The following CDH8 variants were observed in gnomAD, a reference collection of about 807,000 sequenced individuals.
CDH8 encodes cadherin-8.
In CDH8, 17 loss-of-function variants were observed where a neutral mutation model predicts 68.1. That is an observed-to-expected ratio of 0.25 (90% CI 0.17 to 0.37). CDH8 has a LOEUF of 0.37. Among genes scored for constraint, CDH8 ranks in the 10% least tolerant of loss-of-function variants. CDH8 has a pLI of 1.00. For synonymous variants in CDH8, 372 were observed against 365.1 expected (o/e 1.02, Z -0.21); for missense variants, 763 against 999.3 (o/e 0.76, Z 3.19).
At chr16:61,813,867 ACT>A (rs1962012861) in intron 7 of CDH8, among the ~76,000 whole-genome samples, 1 of 152,164 alleles carries the variant, frequency 6.6e-6, no homozygotes, top group African/African-American at 2.4e-5. Context: ...TATACCAAGC[ACT>A]CACTAGTAAC....
At chr16:61,923,561 G>A (rs773666011) in intron 2 of CDH8, among the ~76,000 whole-genome samples, 29 of 151,668 alleles carry the variant, frequency 1.9e-4, no homozygotes, top group Non-Finnish European at 3.2e-4. Flanking sequence ...TAGATATGAG[G>A]AAATAAACTC....
intron 2 of CDH8, among the ~76,000 whole-genome samples, chr16:61,916,395 G>A (rs181674538): frequency 5.3e-5 from 8 of 152,098 alleles, no homozygotes; most frequent in Non-Finnish European, 7.4e-5. Flanking sequence ...CATGCCTGAC[G>A]TCCCAGCTAC....
At chr16:61,921,545 TTAAA>T (rs1246840040) in intron 2 of CDH8, among the ~76,000 whole-genome samples, 2 of 152,222 alleles carry the variant, frequency 1.3e-5, no homozygotes, top group African/African-American at 4.8e-5. Flanking sequence ...TTCTAAATAC[TTAAA>T]TATTTTTCTG....
rs577843391 is a variant in CDH8, at chr16:61,768,535, G to A, written c.1414+20811C>T. Among the ~76,000 whole-genome samples, 5 of 151,380 alleles carry A rather than the reference G, an allele frequency of 3.3e-5. No individual in the cohort carries two copies. In the East Asian group the frequency reaches 7.9e-4, roughly 24 times the overall value. ...TAATACAAAGGAGTTATCAATGGGC[G>A]AGTCTTGATCTGCCCTGGGAACAAT... On this transcript the variant is annotated intron_variant, in intron 8 of 11. Transcript: ENST00000577390.
intron 4 of CDH8, 71 bp from the exon 5 acceptor site, chr16:61,825,250 C>A: frequency 8.5e-7 from 1 of 1,174,880 alleles, no homozygotes; most frequent in South Asian, 1.4e-5. Flanking sequence ...TAATCTCACA[C>A]ATGCACACAT....
chr16:61,896,477 G>A (rs1205577624), intron 3 of CDH8, among the ~76,000 whole-genome samples: 1 of 152,194 alleles, frequency 6.6e-6, no homozygotes, highest in Non-Finnish European at 1.5e-5. Context: ...GCACGTGCTG[G>A]CATTTCTGCC....
chr16:61,797,338 T>G (rs1961523018), intron 7 of CDH8, among the ~76,000 whole-genome samples: 1 of 152,052 alleles, frequency 6.6e-6, no homozygotes, highest in Non-Finnish European at 1.5e-5. Context: ...TCCCTGTGAC[T>G]CCAGTACAAC....
intron 2 of CDH8, among the ~76,000 whole-genome samples, chr16:62,019,938 C>T (rs375529392): frequency 6.6e-6 from 1 of 152,132 alleles, no homozygotes; most frequent in East Asian, 1.9e-4. Flanking sequence ...CTGTTTTGTT[C>T]ATTGATACGC....
In CDH8 at chr16:61,880,223, C is replaced by T. The variant is rs1391832441; in HGVS notation, c.547+20956G>A. Among the ~76,000 whole-genome samples the T allele has an allele frequency of 9.2e-5, 14 of 152,236 alleles. No homozygotes were observed. In the East Asian group the frequency reaches 2.7e-3, roughly 29 times the overall value. On this transcript the variant is annotated intron_variant, in intron 3 of 11. Coordinates refer to ENST00000577390, the MANE Select transcript of CDH8 (RefSeq NM_001796.5). ...ATAGGTGTAAGCCACCGTGCCCGGC[C>T]ATATAATATGAAGTTTTAACCGACC...
At chr16:61,901,035 T>C (rs72798783) in intron 3 of CDH8, 144 bp downstream of exon 3, 55,154 of 719,792 alleles carry the variant, frequency 0.077, 2,480 homozygotes, top group South Asian at 0.11. Flanking sequence ...CTGTGGAACT[T>C]AGGCCAAAAA....
At chr16:61,684,606 AC>A (rs1964073563) in intron 10 of CDH8, among the ~76,000 whole-genome samples, 2 of 152,172 alleles carry the variant, frequency 1.3e-5, no homozygotes. Flanking sequence ...TAGACACATA[AC>A]ACATTACTAG....
chr16:61,877,281 T>C (rs1222988781), intron 3 of CDH8, among the ~76,000 whole-genome samples: 3 of 149,172 alleles, frequency 2.0e-5, no homozygotes, highest in African/African-American at 7.6e-5. Flanking sequence ...CATAAGAAAA[T>C]AAATGGGGTA....
chr16:61,768,488 C>A (rs996391340), intron 8 of CDH8, among the ~76,000 whole-genome samples: 4 of 144,136 alleles, frequency 2.8e-5, no homozygotes, highest in African/African-American at 7.7e-5. Context: ...TCTGTGTGAC[C>A]CTATTAATTG....
chr16:61,830,136 T>G (rs1321448985), intron 4 of CDH8, among the ~76,000 whole-genome samples: 1 of 151,842 alleles, frequency 6.6e-6, no homozygotes, highest in Non-Finnish European at 1.5e-5. Context: ...ACTAGTAGTT[T>G]CAGGCTGTTT....
intron 2 of CDH8, among the ~76,000 whole-genome samples, chr16:61,934,808 C>T (rs1380458684): frequency 6.6e-6 from 1 of 152,076 alleles, no homozygotes; most frequent in Non-Finnish European, 1.5e-5. Flanking sequence ...GCACTAAAAT[C>T]GCCAGAGAAT....
At chr16:61,716,951 T>A (rs1390627954) in intron 9 of CDH8, among the ~76,000 whole-genome samples, 1 of 151,648 alleles carries the variant, frequency 6.6e-6, no homozygotes, top group Non-Finnish European at 1.5e-5. Flanking sequence ...AGAACAGATT[T>A]GTTCAAAGAA....
At chr16:61,822,617 T>C (rs910463946) in intron 5 of CDH8, among the ~76,000 whole-genome samples, 1 of 151,856 alleles carries the variant, frequency 6.6e-6, no homozygotes, top group Non-Finnish European at 1.5e-5. Flanking sequence ...CACGAAGTTA[T>C]AGGACTGGGG....
chr16:62,033,883 A>G (rs1302602825), intron 1 of CDH8, among the ~76,000 whole-genome samples: 1 of 152,128 alleles, frequency 6.6e-6, no homozygotes, highest in Non-Finnish European at 1.5e-5. Context: ...AAAAAATCAA[A>G]GGCGATTTAA....
At chr16:61,855,937 T>C (rs746377402) in intron 4 of CDH8, among the ~76,000 whole-genome samples, 4 of 152,124 alleles carry the variant, frequency 2.6e-5, no homozygotes, top group Non-Finnish European at 5.9e-5. Flanking sequence ...GAAGGATATA[T>C]AATTATACCC....
Sources: allele counts gnomAD v4.1 joint callset (sites outside exome capture counted in the v4.1 genomes callset), GRCh38; gene constraint gnomAD v4.1.1; transcripts MANE v1.5; gene names NCBI Gene and HGNC (gene_info 2026-07-23, HGNC 2026-07-21).